The following DLC1 variants were observed in gnomAD, a reference collection of about 807,000 sequenced individuals.
DLC1 encodes rho GTPase-activating protein 7.
Under a neutral mutation model 140.3 loss-of-function variants are expected in DLC1, and 54 were observed. That is an observed-to-expected ratio of 0.38 (90% confidence interval 0.31 to 0.48). DLC1 has a LOEUF of 0.48. Ranked by LOEUF, DLC1 falls within the 20% of genes least tolerant of loss-of-function variation. The pLI, the probability that DLC1 is intolerant of heterozygous loss-of-function variation, is 0.96. For synonymous variants in DLC1, 986 were observed against 728.1 expected, an observed-to-expected ratio of 1.35 and a Z score of -5.70; for missense variants, 2,536 against 1,907.0, an observed-to-expected ratio of 1.33 and a Z score of -6.14.
intron 4 of DLC1, among the ~76,000 whole-genome samples, chr8:13,376,242 C>G (rs1218359986): frequency 2.0e-5 from 3 of 152,158 alleles, no homozygotes; most frequent in Admixed American, 6.5e-5. Context: ...AAACACCATA[C>G]AGCAATGCAT....
intron 5 of DLC1, among the ~76,000 whole-genome samples, chr8:13,206,200 A>G (rs992474409): frequency 1.3e-5 from 2 of 152,228 alleles, no homozygotes; most frequent in Admixed American, 6.5e-5. Flanking sequence ...CTCATTGAGG[A>G]AACATGTTCA....
chr8:13,169,473 C>T (rs1323421073), intron 5 of DLC1, among the ~76,000 whole-genome samples: 2 of 152,128 alleles, frequency 1.3e-5, no homozygotes, highest in Admixed American at 6.5e-5. Flanking sequence ...CAAAATATTG[C>T]CTGGCTTAAA....
chr8:13,492,730 T>A (rs1159335694), intron 2 of DLC1, among the ~76,000 whole-genome samples: 3 of 152,200 alleles, frequency 2.0e-5, no homozygotes, highest in African/African-American at 7.2e-5. Context: ...TATTTATTGA[T>A]TGATTTTACC....
chr8:13,273,483 A>G (rs1831033366), intron 5 of DLC1, among the ~76,000 whole-genome samples: 1 of 152,206 alleles, frequency 6.6e-6, no homozygotes, highest in South Asian at 2.1e-4. Flanking sequence ...ATAAAGGGGA[A>G]TGCAAGTAAG....
intron 5 of DLC1, among the ~76,000 whole-genome samples, chr8:13,239,779 A>G (rs1004402326): frequency 6.6e-6 from 1 of 152,186 alleles, no homozygotes; most frequent in African/African-American, 2.4e-5. Context: ...TTCCAGAAGA[A>G]GACTGTCAAA....
intron 1 of DLC1, among the ~76,000 whole-genome samples, chr8:13,600,991 T>A (rs990895350): frequency 2.2e-4 from 33 of 152,000 alleles, no homozygotes; most frequent in African/African-American, 7.9e-4. Flanking sequence ...TCAGTACTTC[T>A]TAACACATGC....
chr8:13,090,597 G>A (rs1029208527), intron 14 of DLC1, 127 bp from the exon 15 acceptor site: 23 of 1,054,454 alleles, frequency 2.2e-5, no homozygotes, highest in East Asian at 7.7e-5. Flanking sequence ...TCTTCCCGCC[G>A]GAGGTGGGCT....
chr8:13,095,175 G>C lies in DLC1; in HGVS notation c.3238C>G (p.Leu1080Val), dbSNP rs140952951. The C allele has an allele frequency of 8.1e-6, 13 of 1,614,136 alleles. No homozygotes were observed. The African/African-American group carries it at 1.5e-4, about 18-fold the overall frequency. Residue 1080 changes from leucine (L) to valine (V), a missense_variant, in exon 11 of 18, where the codon CTG (leucine) becomes GTG (valine). Transcript: ENST00000276297. Reference protein sequence around the residue: ...YKDRSVFGVPLTVNVQRTGQP... With the variant: ...YKDRSVFGVPVTVNVQRTGQP... ...CCTGTGCGCTGCACGTTGACCGTCAGTGGGACCCCAAACACACTCCGGTCC... is the reference window on the plus strand; with the variant it reads ...CCTGTGCGCTGCACGTTGACCGTCACTGGGACCCCAAACACACTCCGGTCC...
intron 9 of DLC1, 117 bp downstream of exon 9, chr8:13,099,230 G>T (rs1818768224): frequency 2.7e-6 from 4 of 1,476,972 alleles, no homozygotes; most frequent in Non-Finnish European, 3.6e-6. Context: ...CCTTCCTTAG[G>T]AATGGACATG....
intron 5 of DLC1, among the ~76,000 whole-genome samples, chr8:13,187,047 C>T (rs893704248): frequency 6.6e-6 from 1 of 152,156 alleles, no homozygotes; most frequent in East Asian, 1.9e-4. Flanking sequence ...CTGGAAGCTT[C>T]GTGCCAGAGG....
At chr8:13,141,290 C>T (rs1822975425) in intron 5 of DLC1, among the ~76,000 whole-genome samples, 1 of 103,834 alleles carries the variant, frequency 9.6e-6, no homozygotes, top group African/African-American at 3.5e-5. Context: ...AAAAAGCCAG[C>T]TGCTAAAAAG....
intron 5 of DLC1, among the ~76,000 whole-genome samples, chr8:13,220,468 C>G (rs1205776279): frequency 6.6e-6 from 1 of 152,088 alleles, no homozygotes; most frequent in Non-Finnish European, 1.5e-5. Flanking sequence ...ATTTAAAGCA[C>G]AAAATATATT....
intron 5 of DLC1, among the ~76,000 whole-genome samples, chr8:13,263,191 G>C (rs972526589): frequency 3.3e-5 from 5 of 152,114 alleles, no homozygotes; most frequent in Admixed American, 2.0e-4. Context: ...CTCCGTGGAA[G>C]CCTGCAAGAG....
intron 5 of DLC1, among the ~76,000 whole-genome samples, chr8:13,227,356 G>A (rs1226993034): frequency 2.6e-5 from 4 of 152,116 alleles, no homozygotes; most frequent in African/African-American, 9.7e-5. Flanking sequence ...CCCAAATCCA[G>A]ATCATTTAAT....
chr8:13,446,686 A>G (rs543768695), intron 2 of DLC1, among the ~76,000 whole-genome samples: 18 of 152,272 alleles, frequency 1.2e-4, no homozygotes, highest in African/African-American at 4.3e-4. Context: ...CACGCCTGTA[A>G]TCTCAGCACT....
chr8:13,371,011 C>T (rs538236095), intron 4 of DLC1, among the ~76,000 whole-genome samples: 9 of 152,206 alleles, frequency 5.9e-5, no homozygotes, highest in East Asian at 1.9e-4. Flanking sequence ...CCACACCATA[C>T]GAACTAAGTA....
At position 13,085,475 on chromosome 8, in the gene DLC1, A is replaced by G. The variant is rs1817474739; in HGVS notation, c.*336T>C. 4.9e-6 allele frequency: 1 copy of G among 204,916 alleles called. No homozygotes were observed. Among genetic ancestry groups the G allele is most frequent in the African/African-American group, 2.3e-5 (1 of 43,324 alleles). 12.7% of individuals were successfully genotyped at this position (204,916 alleles called of 1,614,324 possible). ...TGCAAATAAAGCGACACAGGTACGC[A>G]TACACTGATATCACAAGAGAATGAA... On this transcript the variant is annotated 3_prime_UTR_variant, in exon 18 of 18. Coordinates refer to ENST00000276297, the MANE Select transcript of DLC1 (RefSeq NM_182643.3).
intron 5 of DLC1, among the ~76,000 whole-genome samples, chr8:13,207,944 C>G (rs946925118): frequency 1.3e-5 from 2 of 152,168 alleles, no homozygotes; most frequent in African/African-American, 4.8e-5. Context: ...TTGGAGGCCA[C>G]TGTAAGTTAT....
At chr8:13,208,845 T>C (rs1231084289) in intron 5 of DLC1, among the ~76,000 whole-genome samples, 2 of 151,918 alleles carry the variant, frequency 1.3e-5, no homozygotes, top group East Asian at 3.9e-4. Context: ...GCTGATGATG[T>C]GGGAAAAATA....
Sources: allele counts gnomAD v4.1 joint callset (sites outside exome capture counted in the v4.1 genomes callset), GRCh38; gene constraint gnomAD v4.1.1; transcripts MANE v1.5; gene names NCBI Gene and HGNC (gene_info 2026-07-23, HGNC 2026-07-21).